NHS: variants seen among roughly 807,000 people sequenced by gnomAD.
The protein encoded by NHS is NHS actin remodeling regulator.
In NHS, 5 loss-of-function variants were observed where a neutral mutation model predicts 72.5. That is an observed-to-expected ratio of 0.07 (90% CI 0.04 to 0.14). The LOEUF is 0.14. Ranked by LOEUF, NHS falls within the 10% of genes least tolerant of loss-of-function variation. The probability of loss-of-function intolerance (pLI) is 1.00; values close to 1 mark genes in which losing one functional copy is unlikely to be tolerated. For synonymous variants in NHS, 464 were observed against 547.7 expected (o/e 0.85, Z 2.13); for missense variants, 1,072 against 1,355.7 (o/e 0.79, Z 3.29).
At chrX:17,668,375 G>A (rs923182668) in intron 1 of NHS, among the ~76,000 whole-genome samples, 4 of 112,141 alleles carry the variant, frequency 3.6e-5, no homozygotes, top group African/African-American at 9.7e-5. Context: ...TGAGCATATT[G>A]GAGGAAATCA....
In NHS at chrX:17,733,960, G is replaced by A. The variant is rs747263991; in HGVS notation, c.*1496G>A. 2.7e-5 allele frequency: 3 copies of A among 112,171 alleles called. No homozygotes were observed. Among genetic ancestry groups the A allele is most frequent in the South Asian group, 7.5e-4 (2 of 2,683 alleles). The allele number at this position is 112,171 out of a possible 1,213,427, so 9.2% of individuals were successfully genotyped here. Reference sequence around the variant, plus strand: ...AACTGAAAAAAAAATGTAGTTACACGTTAAAATCTGCAAATGGTTTTTACA... The same window carrying A: ...AACTGAAAAAAAAATGTAGTTACACATTAAAATCTGCAAATGGTTTTTACA... On this transcript the variant is annotated 3_prime_UTR_variant, in exon 9 of 9. Transcript: ENST00000676302.
intron 1 of NHS, among the ~76,000 whole-genome samples, chrX:17,568,405 T>C (rs187389154): frequency 3.2e-4 from 36 of 112,063 alleles, no homozygotes; most frequent in Non-Finnish European, 5.3e-4. Context: ...ATATCAAGCA[T>C]ATGGCACATA....
intron 1 of NHS, among the ~76,000 whole-genome samples, chrX:17,377,171 G>A (rs1301607043): frequency 3.6e-5 from 4 of 112,300 alleles, no homozygotes. Flanking sequence ...GTGGACTTAG[G>A]TATGAACTAG....
intron 1 of NHS, among the ~76,000 whole-genome samples, chrX:17,474,425 C>T (rs142496994): frequency 2.7e-3 from 306 of 111,947 alleles, no homozygotes; most frequent in African/African-American, 9.5e-3. Flanking sequence ...CTTACACATC[C>T]GTCTTAGGTT....
chrX:17,377,689 G>T (rs1258473770), intron 1 of NHS, among the ~76,000 whole-genome samples: 1 of 113,345 alleles, frequency 8.8e-6, no homozygotes, highest in Non-Finnish European at 1.9e-5. Flanking sequence ...TTTGAACCCC[G>T]TCCCGGGAAT....
chrX:17,654,964 A>G (rs749775558), intron 1 of NHS, among the ~76,000 whole-genome samples: 1 of 112,154 alleles, frequency 8.9e-6, no homozygotes, highest in South Asian at 3.7e-4. Flanking sequence ...GGTTTAGTAA[A>G]TCGCCGCTCC....
chrX:17,442,797 A>T (rs995579635), intron 1 of NHS, among the ~76,000 whole-genome samples: 5 of 112,425 alleles, frequency 4.4e-5, no homozygotes, highest in African/African-American at 1.6e-4. Context: ...TGTGAAAATC[A>T]CTAGCCTGGT....
intron 1 of NHS, among the ~76,000 whole-genome samples, chrX:17,615,273 T>C (rs865841682): frequency 1.0e-5 from 1 of 99,581 alleles, no homozygotes; most frequent in Non-Finnish European, 2.0e-5. Flanking sequence ...TATATATATA[T>C]ATATGGTCTC....
chrX:17,651,720 A>G (rs772812758), intron 1 of NHS, among the ~76,000 whole-genome samples: 46 of 112,595 alleles, frequency 4.1e-4, no homozygotes, highest in African/African-American at 1.5e-3. Context: ...CCTAACTGCA[A>G]GGGAGGCTGG....
At chrX:17,389,586 C>CTTATTTATTTAT (rs554552712) in intron 1 of NHS, among the ~76,000 whole-genome samples, 4,754 of 102,293 alleles carry the variant, frequency 0.046, 308 homozygotes, top group African/African-American at 0.17. Context: ...CTTTTATTTT[C>CTTATTTATTTAT]TTATTTATTT....
intron 1 of NHS, among the ~76,000 whole-genome samples, chrX:17,607,569 C>T (rs2065687343): frequency 9.0e-6 from 1 of 111,169 alleles, no homozygotes; most frequent in Non-Finnish European, 1.9e-5. Flanking sequence ...AGTATGACTC[C>T]TTTCCCCCTG....
intron 1 of NHS, among the ~76,000 whole-genome samples, chrX:17,642,225 C>T (rs192584256): frequency 8.0e-5 from 9 of 112,372 alleles, no homozygotes; most frequent in Admixed American, 5.6e-4. Flanking sequence ...GGATTACAGG[C>T]GTGAGCCGCC....
chrX:17,637,360 C>A (rs185726858), intron 1 of NHS, among the ~76,000 whole-genome samples: 2 of 111,865 alleles, frequency 1.8e-5, no homozygotes, highest in South Asian at 7.5e-4. Context: ...GATCCAAGGC[C>A]TATACGTGGC....
Position 17,432,322 on chromosome X carries a change from C to T in NHS, c.565+56000C>T, listed in dbSNP as rs200712890. On this transcript the variant is annotated intron_variant, in intron 1 of 8. Transcript: ENST00000676302. ...TGTCCACTCATGGCTGTTGGCCCTG[C>T]TCAGATACCATCTCTTCTATGAAGC... 3.5e-5 allele frequency among the ~76,000 whole-genome samples: 4 copies of T among 112,736 alleles called. No individual in the cohort carries two copies. The East Asian group carries it at 1.1e-3, about 31-fold the overall frequency.
intron 1 of NHS, chrX:17,635,428 A>AG (rs1282750897): frequency 3.4e-5 from 40 of 1,161,353 alleles, no homozygotes; most frequent in Non-Finnish European, 4.5e-5. Flanking sequence ...TCCTTGCAGA[A>AG]GGTTGCCCTC....
chrX:17,635,370 G>C lies in NHS; in HGVS notation c.566-52372G>C, dbSNP rs935293822. 18 of 1,130,138 alleles carry C rather than the reference G, an allele frequency of 1.6e-5. 1 individual carries two copies. The African/African-American group carries it at 2.7e-4, about 17-fold the overall frequency. 93.1% of individuals were successfully genotyped at this position (1,130,138 alleles called of 1,213,427 possible). The stretch of plus-strand genomic sequence containing the variant: ...TGGGTGAGACCATCTCCCCCTCCAG[G>C]GGGGAGTCCTAGATGCAGCACAGAG... On this transcript the variant is annotated intron_variant, in intron 1 of 8. Transcript: ENST00000676302.
chrX:17,546,711 A>G (rs1369561298), intron 1 of NHS, among the ~76,000 whole-genome samples: 2 of 112,760 alleles, frequency 1.8e-5, no homozygotes, highest in African/African-American at 6.4e-5. Context: ...GAAACAAGGA[A>G]TGGAGAAGCA....
rs144540002 is a variant in NHS at position 17,727,632 on chromosome X, T to A, written c.3526T>A (p.Ser1176Thr). 2 of 1,211,579 alleles carry A rather than the reference T, an allele frequency of 1.7e-6. No homozygotes were observed. Among genetic ancestry groups the A allele is most frequent in the Admixed American group, 4.3e-5 (2 of 46,055 alleles). The change falls in exon 7 of 9, where the codon TCT (serine) becomes ACT (threonine). Residue 1176 changes from serine (S) to threonine (T), a missense_variant. Transcript: ENST00000676302. ...EESTLTTAAL[S>T]PSKIRPHTAN... ...AAGCACACTCACAACGGCTGCCTTG[T>A]CTCCAAGTAAGATTAGGCCGCATAC...
intron 1 of NHS, among the ~76,000 whole-genome samples, chrX:17,497,626 G>A (rs967467790): frequency 2.7e-5 from 3 of 111,227 alleles, no homozygotes; most frequent in African/African-American, 9.8e-5. Flanking sequence ...TCCTCACCTC[G>A]ATATGTTTTA....
Sources: gnomAD v4.1 joint callset for allele counts (sites outside exome capture counted in the v4.1 genomes callset) on GRCh38, gnomAD v4.1.1 for gene constraint, MANE v1.5 for transcripts, NCBI Gene and HGNC (gene_info 2026-07-23, HGNC 2026-07-21) for gene names.